Variants in FAR1 observed in about 807,000 individuals in gnomAD.
FAR1 encodes the protein male sterility domain-containing protein 2.
FAR1 carries 22 observed loss-of-function variants against 61.1 expected under a neutral mutation model. That is an observed-to-expected ratio of 0.36 (90% CI 0.26 to 0.51). The LOEUF is 0.51. Among genes scored for constraint, FAR1 ranks in the 20% least tolerant of loss-of-function variants. The pLI is 0.95. For missense variants in FAR1, 359 were observed against 626.9 expected (o/e 0.57, Z 4.56); for synonymous variants, 206 against 209.7 (o/e 0.98, Z 0.15).
At chr11:13,709,474 G>C (rs1013858982) in intron 4 of FAR1, among the ~76,000 whole-genome samples, 1 of 152,116 alleles carries the variant, frequency 6.6e-6, no homozygotes, top group African/African-American at 2.4e-5. Context: ...AACTGAAAAA[G>C]AACTTGTAAG....
At chr11:13,722,279 TTG>T (rs1165943346) in intron 10 of FAR1, among the ~76,000 whole-genome samples, 1 of 152,130 alleles carries the variant, frequency 6.6e-6, no homozygotes, top group African/African-American at 2.4e-5. Flanking sequence ...CTTAAATTCT[TTG>T]TGTATGTTCT....
rs922307729 is a variant in FAR1, at chr11:13,723,505, T to A, written c.1257+1646T>A. ...TGGCTCGTCTTCCATTTTCTCTTTA[T>A]GTTTGCCGCTTGGCAGTATCACTAT... On this transcript the variant is annotated intron_variant, in intron 10 of 11. Coordinates refer to ENST00000354817, the MANE Select transcript of FAR1 (RefSeq NM_032228.6). The A allele has an allele frequency of 1.6e-4, 54 of 334,996 alleles. 1 individual carries two copies. The highest frequency in any genetic ancestry group is 6.9e-4 in the South Asian group (28 of 40,380). 20.8% of individuals were successfully genotyped at this position (334,996 alleles called of 1,614,324 possible).
At chr11:13,705,600 T>C (rs990980435) in intron 3 of FAR1, among the ~76,000 whole-genome samples, 1 of 152,128 alleles carries the variant, frequency 6.6e-6, no homozygotes, top group Non-Finnish European at 1.5e-5. Context: ...TATAGTCTAG[T>C]GGACAGTATC....
intron 10 of FAR1, among the ~76,000 whole-genome samples, chr11:13,726,886 A>T (rs1171882638): frequency 1.3e-5 from 2 of 151,902 alleles, no homozygotes; most frequent in Non-Finnish European, 2.9e-5. Flanking sequence ...AGAATTGGCT[A>T]TTTTTAGATA....
chr11:13,712,087 C>T, intron 7 of FAR1, 41 bp downstream of exon 7: 1 of 1,322,138 alleles, frequency 7.6e-7, no homozygotes, highest in Non-Finnish European at 1.1e-6. Flanking sequence ...TATATAGTAA[C>T]TGAAAAGGGA....
chr11:13,713,284 T>G (rs1848520104), intron 8 of FAR1, among the ~76,000 whole-genome samples: 1 of 150,484 alleles, frequency 6.6e-6, no homozygotes. Context: ...GCTGTTTTTC[T>G]CCTGCCATCT....
chr11:13,711,625 C>T, intron 5 of FAR1, 139 bp from the exon 6 acceptor site: 2 of 679,048 alleles, frequency 2.9e-6, no homozygotes, highest in Non-Finnish European at 5.2e-6. Flanking sequence ...TAGAAATAGT[C>T]TGGCCTGAAT....
intron 3 of FAR1, among the ~76,000 whole-genome samples, chr11:13,703,575 A>C (rs569152660): frequency 5.9e-5 from 9 of 152,366 alleles, no homozygotes; most frequent in Non-Finnish European, 1.0e-4. Flanking sequence ...TAGGATATGC[A>C]AAATAACCAT....
chr11:13,700,841 C>A (rs905763092), intron 3 of FAR1, among the ~76,000 whole-genome samples: 1 of 152,074 alleles, frequency 6.6e-6, no homozygotes, highest in Non-Finnish European at 1.5e-5. Flanking sequence ...TTCTTCTAAT[C>A]TACATCATAT....
intron 2 of FAR1, among the ~76,000 whole-genome samples, chr11:13,698,895 T>C (rs958199918): frequency 7.9e-5 from 12 of 152,172 alleles, no homozygotes; most frequent in African/African-American, 2.9e-4. Context: ...ATCTTTTTAA[T>C]GTGGCTTAAA....
At chr11:13,724,649 CTTTT>C (rs901296730) in intron 10 of FAR1, among the ~76,000 whole-genome samples, 50 of 151,182 alleles carry the variant, frequency 3.3e-4, no homozygotes, top group African/African-American at 9.0e-4. Context: ...TTCCCACTTA[CTTTT>C]TTTATTTTCA....
intron 2 of FAR1, among the ~76,000 whole-genome samples, chr11:13,698,272 C>T (rs539850121): frequency 6.6e-6 from 1 of 152,254 alleles, no homozygotes; most frequent in South Asian, 2.1e-4. Context: ...TCTTGCCAGG[C>T]AAGATCTGCT....
In FAR1 at chr11:13,730,551, T is replaced by C. The variant is rs1164863128; in HGVS notation, c.*1777T>C. On this transcript the variant is annotated 3_prime_UTR_variant, in exon 12 of 12. Transcript: ENST00000354817. Reference sequence around the variant, plus strand: ...CTTTTATTTAAAGTGGCCCACATAATATACATTGAGTACTCCATCTCTCCA... The same window carrying C: ...CTTTTATTTAAAGTGGCCCACATAACATACATTGAGTACTCCATCTCTCCA... The C allele has an allele frequency of 6.6e-6, 1 of 152,080 alleles. No homozygotes were observed. The highest frequency in any genetic ancestry group is 1.9e-4 in the East Asian group (1 of 5,202). 9.4% of individuals were successfully genotyped at this position (152,080 alleles called of 1,614,324 possible).
rs961608213 is a variant in FAR1 at position 13,721,658 on chromosome 11, C to T, written c.1128-72C>T. On this transcript the variant is annotated intron_variant, in intron 9 of 11. Coordinates refer to ENST00000354817, the MANE Select transcript of FAR1 (RefSeq NM_032228.6). This position sits in a 1 kb window ranked among gnomAD's most constrained non-coding sequence, Gnocchi z 4.2. ...TGTCTATATTATAGGGGGAAACTTG[C>T]ACCCTGGGTGGTGATAGGATTTTTC... 6.9e-6 allele frequency: 9 copies of T among 1,312,954 alleles called. No individual in the cohort carries two copies. The highest frequency in any genetic ancestry group is 2.1e-4 in the Middle Eastern group (1 of 4,778). The allele number at this position is 1,312,954 out of a possible 1,614,324, so 81.3% of individuals were successfully genotyped here. A position where few individuals can be genotyped will look rare whatever the true frequency, so the allele number is the denominator to read the frequency against.
At chr11:13,688,194 T>G (rs1181864939) in intron 1 of FAR1, among the ~76,000 whole-genome samples, 1 of 151,958 alleles carries the variant, frequency 6.6e-6, no homozygotes, top group Non-Finnish European at 1.5e-5. Flanking sequence ...AAATATATAT[T>G]TAGTGCTTGT....
intron 1 of FAR1, among the ~76,000 whole-genome samples, chr11:13,671,009 C>T (rs1439267683): frequency 6.6e-6 from 1 of 152,192 alleles, no homozygotes; most frequent in Non-Finnish European, 1.5e-5. Flanking sequence ...TTAACCAGAT[C>T]AGCAAAGCAT....
chr11:13,688,867 C>T (rs574829575), intron 1 of FAR1, among the ~76,000 whole-genome samples: 19 of 151,770 alleles, frequency 1.3e-4, no homozygotes, highest in Non-Finnish European at 2.4e-4. Flanking sequence ...TCTGTGTTGC[C>T]CAGGCTGACC....
intron 1 of FAR1, among the ~76,000 whole-genome samples, chr11:13,693,194 T>TA (rs1178537866): frequency 4.6e-5 from 7 of 152,168 alleles, no homozygotes; most frequent in East Asian, 1.9e-4. Flanking sequence ...CTAATGAGCT[T>TA]AAAAAAAATC....
rs1380975043 is a variant in FAR1, at chr11:13,729,896, A to G, written c.*1122A>G. 1 of 152,470 alleles carries G rather than the reference A, an allele frequency of 6.6e-6. No individual in the cohort carries two copies. Among genetic ancestry groups the G allele is most frequent in the African/African-American group, 2.4e-5 (1 of 41,460 alleles). 9.4% of individuals were successfully genotyped at this position (152,470 alleles called of 1,614,324 possible). On this transcript the variant is annotated 3_prime_UTR_variant, in exon 12 of 12. Coordinates refer to ENST00000354817, the MANE Select transcript of FAR1 (RefSeq NM_032228.6). Reference sequence around the variant, plus strand: ...ATTAAATAAAGGACTTTATTTACATACTACATAAGGTAGCAAACTGTTGAA... The same window carrying G: ...ATTAAATAAAGGACTTTATTTACATGCTACATAAGGTAGCAAACTGTTGAA...
Sources: allele counts gnomAD v4.1 joint callset (sites outside exome capture counted in the v4.1 genomes callset), GRCh38; gene constraint gnomAD v4.1.1; non-coding constraint Gnocchi (gnomAD v3.1); transcripts MANE v1.5; gene names NCBI Gene and HGNC (gene_info 2026-07-23, HGNC 2026-07-21).